TRMT1L: variants seen among roughly 807,000 people sequenced by gnomAD.
TRMT1L encodes the protein tRNA methyltransferase 1L.
Under a neutral mutation model 81.6 loss-of-function variants are expected in TRMT1L, and 28 were observed. The observed-to-expected ratio is 0.34, with a 90% CI of 0.25 to 0.47. TRMT1L has a LOEUF of 0.47. Among genes scored for constraint, TRMT1L ranks in the 20% least tolerant of loss-of-function variants. The probability of loss-of-function intolerance (pLI) is 1.00; values close to 1 mark genes in which losing one functional copy is unlikely to be tolerated. For missense variants in TRMT1L, 739 were observed against 877.1 expected, an observed-to-expected ratio of 0.84 and a Z score of 1.99; for synonymous variants, 301 against 303.2, an observed-to-expected ratio of 0.99 and a Z score of 0.07.
intron 4 of TRMT1L, 63 bp from the exon 5 acceptor site, chr1:185,145,631 G>A: frequency 6.6e-7 from 1 of 1,508,524 alleles, no homozygotes; most frequent in South Asian, 1.2e-5. Flanking sequence ...GTATATGTTT[G>A]CAAATTTAAG....
At chr1:185,149,602 C>A (rs1653286868) in intron 3 of TRMT1L, among the ~76,000 whole-genome samples, 1 of 151,940 alleles carries the variant, frequency 6.6e-6, no homozygotes, top group South Asian at 2.1e-4. Flanking sequence ...CTGTGTCCAA[C>A]CTCAATTCTT....
In TRMT1L at chr1:185,120,482, G is replaced by A. The variant is rs1263512818; in HGVS notation, c.1850C>T (p.Thr617Ile). ...QGKRKSNEMITNLGKKQKTDV... is the reference protein window; with the variant it reads ...QGKRKSNEMIINLGKKQKTDV... ...AGTCTTTTGCTTCTTGCCTAAATTT[G>A]TGATCATTTCATTACTTTTTCTCTT... The change falls in exon 14 of 15, where the codon ACA (threonine) becomes ATA (isoleucine). Residue 617 changes from threonine (T) to isoleucine (I), a missense_variant. Physicochemically the swap from Thr to Ile is moderately conservative, Grantham distance 89. This residue lies in a region of TRMT1L where 196 missense variants were observed against 232.6 expected (regional missense o/e 0.84). Coordinates refer to ENST00000367506, the MANE Select transcript of TRMT1L (RefSeq NM_030934.5). The A allele has an allele frequency of 6.3e-7, 1 of 1,595,494 alleles. No homozygotes were observed.
chr1:185,150,706 TC>T (rs1653320860), intron 2 of TRMT1L, among the ~76,000 whole-genome samples: 1 of 149,632 alleles, frequency 6.7e-6, no homozygotes, highest in Non-Finnish European at 1.5e-5. Flanking sequence ...AATTTCCCTC[TC>T]TGTAGCTAGT....
chr1:185,139,299 TTC>T (rs2102244665), intron 9 of TRMT1L, 66 bp downstream of exon 9: 1 of 1,322,582 alleles, frequency 7.6e-7, no homozygotes, highest in Non-Finnish European at 1.1e-6. Flanking sequence ...AGGTAAGTAC[TTC>T]TTGTAATATT....
chr1:185,125,224 ATACT>A (rs760345604), intron 11 of TRMT1L, 114 bp from the exon 12 acceptor site: 171 of 602,842 alleles, frequency 2.8e-4, no homozygotes, highest in Non-Finnish European at 4.0e-4. Flanking sequence ...TGACAGAGTA[ATACT>A]TAAATTCAAA....
chr1:185,126,781 G>A (rs994775459), intron 11 of TRMT1L, among the ~76,000 whole-genome samples: 1 of 152,150 alleles, frequency 6.6e-6, no homozygotes, highest in East Asian at 1.9e-4. Context: ...CGAGGTGGGT[G>A]GAGTCAGGAG....
intron 13 of TRMT1L, among the ~76,000 whole-genome samples, chr1:185,122,628 G>A (rs551056186): frequency 1.3e-5 from 2 of 151,614 alleles, no homozygotes; most frequent in East Asian, 3.9e-4. Context: ...GAATGGGAGG[G>A]ACCTGGCTGA....
intron 8 of TRMT1L, 119 bp from the exon 9 acceptor site, chr1:185,139,698 A>T: frequency 3.8e-6 from 3 of 782,164 alleles, no homozygotes; most frequent in Non-Finnish European, 5.9e-6. Context: ...AATATATTTT[A>T]AGTACATAAT....
Position 185,156,651 on chromosome 1 carries a change from T to C in TRMT1L, c.62A>G (p.Gln21Arg), listed in dbSNP as rs189413479. The C allele has an allele frequency of 6.2e-7, 1 of 1,610,258 alleles. No homozygotes were observed. The highest frequency in any genetic ancestry group is 1.3e-5 in the African/African-American group (1 of 74,774). Residue 21 changes from glutamine (Q) to arginine (R), a missense_variant, in exon 1 of 15, where the codon CAG (glutamine) becomes CGG (arginine). Physicochemically the swap from Gln to Arg is conservative, Grantham distance 43 (BLOSUM62 1). Coordinates refer to ENST00000367506, the MANE Select transcript of TRMT1L (RefSeq NM_030934.5). Reference protein sequence around the residue: ...PLEKEEVEVAQVQVPTPARDS... With the variant: ...PLEKEEVEVARVQVPTPARDS... Reference sequence around the variant, plus strand: ...CCGGGCCGGGGTCGGGACCTGGACCTGGGCCACCTCCACCTCCTCCTTCTC... The same window carrying C: ...CCGGGCCGGGGTCGGGACCTGGACCCGGGCCACCTCCACCTCCTCCTTCTC...
intron 3 of TRMT1L, among the ~76,000 whole-genome samples, chr1:185,147,457 C>A (rs951727056): frequency 3.9e-5 from 6 of 152,050 alleles, no homozygotes; most frequent in African/African-American, 9.7e-5. Flanking sequence ...TCTATATACA[C>A]AAATACAGAG....
chr1:185,123,542 A>C (rs1409135153), intron 13 of TRMT1L, among the ~76,000 whole-genome samples: 1 of 152,102 alleles, frequency 6.6e-6, no homozygotes. Context: ...GAATTAGAAT[A>C]AAATTTTATC....
intron 10 of TRMT1L, among the ~76,000 whole-genome samples, chr1:185,136,037 CAAT>C (rs1652891285): frequency 6.6e-6 from 1 of 152,048 alleles, no homozygotes; most frequent in Non-Finnish European, 1.5e-5. Flanking sequence ...TGATAAAATA[CAAT>C]AAAAATGAAG....
At position 185,125,046 on chromosome 1, in the gene TRMT1L, A is replaced by C; in HGVS notation, c.1657T>G (p.Leu553Val). ...TTTATTAGGGTCTGAATGTCATCCA[A>C]ACCATGGTGAAGAGATTCAAATAGC... ...RMLFESLHHG[L>V]DDIQTLIKTL... The change falls in exon 12 of 15, where the codon TTG becomes GTG. Residue 553 changes from leucine (L) to valine (V), a missense_variant. This residue lies in a region of TRMT1L where 196 missense variants were observed against 232.6 expected (regional missense o/e 0.84). Transcript: ENST00000367506. The C allele has an allele frequency of 6.2e-7, 1 of 1,613,264 alleles. No individual in the cohort carries two copies. Among genetic ancestry groups the C allele is most frequent in the Non-Finnish European group, 8.5e-7 (1 of 1,179,498 alleles).
At chr1:185,149,729 T>C (rs562393017) in intron 3 of TRMT1L, among the ~76,000 whole-genome samples, 37 of 152,300 alleles carry the variant, frequency 2.4e-4, no homozygotes, top group Admixed American at 1.2e-3. Flanking sequence ...AAAAATGCTA[T>C]AATAATTCAT....
At chr1:185,156,379 G>A in intron 1 of TRMT1L, 99 bp downstream of exon 1, 3 of 1,611,524 alleles carry the variant, frequency 1.9e-6, no homozygotes, top group Non-Finnish European at 2.5e-6. Context: ...AACCTGCCTT[G>A]CCCCATAAAA....
At chr1:185,154,928 C>G in intron 1 of TRMT1L, among the ~76,000 whole-genome samples, 1 of 152,148 alleles carries the variant, frequency 6.6e-6, no homozygotes, top group South Asian at 2.1e-4. Context: ...ACAACTTATT[C>G]TATTACTTTT....
At chr1:185,134,977 C>T (rs903261517) in intron 10 of TRMT1L, among the ~76,000 whole-genome samples, 1 of 151,872 alleles carries the variant, frequency 6.6e-6, no homozygotes, top group Non-Finnish European at 1.5e-5. Context: ...GATGGTATAA[C>T]AAACAAAAAT....
chr1:185,124,983 G>T lies in TRMT1L; in HGVS notation c.1720C>A (p.Gln574Lys). The T allele has an allele frequency of 6.2e-7, 1 of 1,612,382 alleles. No homozygotes were observed. The highest frequency in any genetic ancestry group is 1.1e-5 in the South Asian group (1 of 90,760). Residue 574 changes from glutamine to lysine, a missense_variant, in exon 12 of 15, where the codon CAG (glutamine) becomes AAG (lysine). Gln to Lys is a moderately conservative substitution (Grantham distance 53). Transcript: ENST00000367506. ...TTTGAAGATGCATGAATTGAAAACT[G>T]ACTTTGAGGCGTACACTCTGATTCA... ...IFESECTPQSQFSIHASSNVN... is the reference protein window; with the variant it reads ...IFESECTPQSKFSIHASSNVN...
At chr1:185,144,062 AAC>A (rs759204772) in intron 5 of TRMT1L, 33 bp from the exon 6 acceptor site, 3 of 1,550,828 alleles carry the variant, frequency 1.9e-6, no homozygotes, top group Non-Finnish European at 2.6e-6. Context: ...TTTCCAGGGA[AAC>A]ACAAAATAAT....
Sources: allele counts gnomAD v4.1 joint callset (sites outside exome capture counted in the v4.1 genomes callset), GRCh38; gene constraint gnomAD v4.1.1; regional missense constraint gnomAD v4.1.1; transcripts MANE v1.5; gene names NCBI Gene and HGNC (gene_info 2026-07-23, HGNC 2026-07-21).